GRIK2: variants seen among roughly 807,000 people sequenced by gnomAD.
GRIK2 encodes glutamate ionotropic receptor kainate type subunit 2, also known as glutamate receptor ionotropic, kainate 2.
In GRIK2, 32 loss-of-function variants were observed where a neutral mutation model predicts 100.3. That is an observed-to-expected ratio of 0.32 (90% CI 0.24 to 0.43). The LOEUF (loss-of-function observed/expected upper bound fraction) is 0.43. Ranked by LOEUF, GRIK2 falls within the 20% of genes least tolerant of loss-of-function variation. The probability of loss-of-function intolerance (pLI) is 1.00; values close to 1 mark genes in which losing one functional copy is unlikely to be tolerated. For synonymous variants in GRIK2, 417 were observed against 389.4 expected, an observed-to-expected ratio of 1.07 and a Z score of -0.83; for missense variants, 843 against 1,114.9, an observed-to-expected ratio of 0.76 and a Z score of 3.47.
At chr6:101,485,807 C>A (rs993794874) in intron 2 of GRIK2, among the ~76,000 whole-genome samples, 1 of 151,924 alleles carries the variant, frequency 6.6e-6, no homozygotes, top group East Asian at 1.9e-4. Flanking sequence ...AGTGATAGTT[C>A]TTCTGAACTA....
At position 101,998,321 on chromosome 6, in the gene GRIK2, T is replaced by C. The variant is rs190311331; in HGVS notation, c.2086-37020T>C. ...GTAACAGCAGATAAAGGAACATTAC[T>C]GTGTGTACTCAATTTGTGCTCCTTT... is the stretch of plus-strand genomic sequence containing the variant. On this transcript the variant is annotated intron_variant, in intron 14 of 16. Transcript: ENST00000369134. 3.3e-4 allele frequency among the ~76,000 whole-genome samples: 51 copies of C among 152,282 alleles called. 1 individual carries two copies. The highest frequency in any genetic ancestry group is 1.2e-3 in the African/African-American group (48 of 41,574).
At chr6:101,941,526 C>A (rs891511735) in intron 14 of GRIK2, among the ~76,000 whole-genome samples, 9 of 150,478 alleles carry the variant, frequency 6.0e-5, no homozygotes, top group African/African-American at 2.0e-4. Flanking sequence ...AAAAAAGAAA[C>A]AAGGAAGTTA....
intron 12 of GRIK2, among the ~76,000 whole-genome samples, chr6:101,891,798 G>A (rs930084211): frequency 6.6e-6 from 1 of 152,014 alleles, no homozygotes; most frequent in Non-Finnish European, 1.5e-5. Context: ...GAAGTATGAA[G>A]TTCCTAACAT....
At chr6:101,796,483 ATAGTT>A in intron 7 of GRIK2, among the ~76,000 whole-genome samples, 1 of 152,332 alleles carries the variant, frequency 6.6e-6, no homozygotes, top group South Asian at 2.1e-4. Flanking sequence ...AAAGAAGACA[ATAGTT>A]TAATCTGACA....
At chr6:101,460,713 G>GC (rs1375542452) in intron 2 of GRIK2, among the ~76,000 whole-genome samples, 1 of 152,166 alleles carries the variant, frequency 6.6e-6, no homozygotes, top group East Asian at 1.9e-4. Context: ...TTTTCACTAT[G>GC]CATTTCCTTA....
chr6:102,006,368 T>TTATATATA (rs3029070), intron 14 of GRIK2, among the ~76,000 whole-genome samples: 49 of 125,806 alleles, frequency 3.9e-4, no homozygotes, highest in South Asian at 3.3e-3. Flanking sequence ...GATAAACCTT[T>TTATATATA]TATATATATA....
chr6:101,540,822 G>T (rs1193554614), intron 2 of GRIK2, among the ~76,000 whole-genome samples: 1 of 151,824 alleles, frequency 6.6e-6, no homozygotes, highest in Non-Finnish European at 1.5e-5. Context: ...CTTAAGTAAG[G>T]TTTCCATAAA....
At chr6:101,960,014 C>T (rs559669425) in intron 14 of GRIK2, among the ~76,000 whole-genome samples, 6 of 146,562 alleles carry the variant, frequency 4.1e-5, no homozygotes, top group East Asian at 4.0e-4. Context: ...GGTTACTTTA[C>T]GTAATCTTTT....
intron 14 of GRIK2, among the ~76,000 whole-genome samples, chr6:102,001,595 C>G (rs1000023898): frequency 5.9e-5 from 9 of 151,926 alleles, no homozygotes; most frequent in Non-Finnish European, 1.3e-4. Flanking sequence ...TTTTCTTTAT[C>G]CAGTCTATCA....
intron 11 of GRIK2, among the ~76,000 whole-genome samples, chr6:101,883,031 T>G (rs1404250325): frequency 6.6e-6 from 1 of 151,916 alleles, no homozygotes; most frequent in Non-Finnish European, 1.5e-5. Flanking sequence ...TTTTATCCTT[T>G]TATATGATCC....
At chr6:102,065,732 C>G (rs190353430) in intron 16 of GRIK2, 165 of 983,244 alleles carry the variant, frequency 1.7e-4, no homozygotes, top group Admixed American at 9.5e-4. Context: ...TTTTAAATGT[C>G]AACGGGATCA....
At chr6:101,718,785 A>G (rs1227551145) in intron 7 of GRIK2, among the ~76,000 whole-genome samples, 1 of 151,908 alleles carries the variant, frequency 6.6e-6, no homozygotes, top group Non-Finnish European at 1.5e-5. Flanking sequence ...GTGTTCTTAG[A>G]GGTGAAGATT....
chr6:101,486,969 G>A (rs1772867199), intron 2 of GRIK2, among the ~76,000 whole-genome samples: 1 of 146,362 alleles, frequency 6.8e-6, no homozygotes. Context: ...CTATTATCAG[G>A]CAATATTTGT....
intron 4 of GRIK2, among the ~76,000 whole-genome samples, chr6:101,671,021 C>T (rs149933712): frequency 1.2e-3 from 180 of 152,246 alleles, no homozygotes; most frequent in Middle Eastern, 3.4e-3. Flanking sequence ...TTACATTTGA[C>T]GCTCACAAAA....
chr6:101,674,256 T>C (rs1000269501), intron 4 of GRIK2, among the ~76,000 whole-genome samples: 15 of 152,134 alleles, frequency 9.9e-5, no homozygotes, highest in African/African-American at 3.4e-4. Flanking sequence ...TCTGGGAAGA[T>C]TGGTTAAAAT....
At chr6:101,569,218 C>T (rs58290527) in intron 2 of GRIK2, among the ~76,000 whole-genome samples, 2 of 151,808 alleles carry the variant, frequency 1.3e-5, no homozygotes, top group African/African-American at 4.8e-5. Flanking sequence ...TTCAAAAAAA[C>T]CCTACTTTTT....
At chr6:101,886,083 T>C (rs73496650) in intron 11 of GRIK2, among the ~76,000 whole-genome samples, 1,561 of 152,248 alleles carry the variant, frequency 0.01, 24 homozygotes, top group African/African-American at 0.035. Context: ...CTCAATTCTT[T>C]TGAATCCTTG....
intron 10 of GRIK2, among the ~76,000 whole-genome samples, chr6:101,824,242 G>A (rs919865299): frequency 2.6e-5 from 4 of 152,140 alleles, no homozygotes; most frequent in East Asian, 1.9e-4. Flanking sequence ...CACCCAAGCA[G>A]TATATACCGT....
intron 14 of GRIK2, among the ~76,000 whole-genome samples, chr6:102,009,641 T>G (rs1795417472): frequency 6.6e-6 from 1 of 152,182 alleles, no homozygotes; most frequent in Admixed American, 6.5e-5. Context: ...AAAAAGTCTT[T>G]GATACTCTAA....
Sources: allele counts gnomAD v4.1 joint callset (sites outside exome capture counted in the v4.1 genomes callset), GRCh38; gene constraint gnomAD v4.1.1; transcripts MANE v1.5; gene names NCBI Gene and HGNC (gene_info 2026-07-23, HGNC 2026-07-21).